ZNF850: variants seen among roughly 807,000 people sequenced by gnomAD.
The protein encoded by ZNF850 is zinc finger protein 850.
ZNF850 carries 2 observed loss-of-function variants against 11.9 expected under a neutral mutation model. The ratio of observed to expected loss-of-function variants is 0.17; its 90% CI spans 0.07 to 0.53. ZNF850 has a LOEUF of 0.53. ZNF850 is among the 20% of genes least tolerant of loss of function. The pLI, the probability that ZNF850 is intolerant of heterozygous loss-of-function variation, is 0.94. For synonymous variants in ZNF850, 381 were observed against 443.0 expected, an observed-to-expected ratio of 0.86 and a Z score of 1.76; for missense variants, 1,014 against 1,316.4, an observed-to-expected ratio of 0.77 and a Z score of 3.55.
intron 4 of ZNF850, among the ~76,000 whole-genome samples, chr19:36,755,517 G>A (rs534837074): frequency 9.2e-5 from 14 of 152,160 alleles, no homozygotes; most frequent in African/African-American, 3.4e-4. Context: ...CACCGCACCT[G>A]GCCTAAAAAT....
intron 1 of ZNF850, among the ~76,000 whole-genome samples, chr19:36,771,510 A>G (rs2040583564): frequency 6.9e-6 from 1 of 145,934 alleles, no homozygotes; most frequent in Admixed American, 6.8e-5. Context: ...GGCTGAAGTG[A>G]AAGTTTGGCC....
chr19:36,758,973 C>A (rs2145963039), intron 4 of ZNF850, among the ~76,000 whole-genome samples: 1 of 151,930 alleles, frequency 6.6e-6, no homozygotes, highest in South Asian at 2.1e-4. Flanking sequence ...ATCCCAGCTA[C>A]TCAGGAGGCT....
chr19:36,757,503 C>A (rs1406200747), intron 4 of ZNF850, among the ~76,000 whole-genome samples: 1 of 97,392 alleles, frequency 1.0e-5, no homozygotes, highest in Non-Finnish European at 2.1e-5. Flanking sequence ...AATATAGTTT[C>A]TTTTTTTTTT....
chr19:36,750,406 G>C lies in ZNF850; in HGVS notation c.634C>G (p.Leu212Val). Residue 212 changes from leucine (L) to valine (V), a missense_variant, in exon 5 of 5, where the codon CTT (leucine) becomes GTT (valine). By Grantham distance (32) the Leu-to-Val change is conservative (BLOSUM62 1). This residue lies in a region of ZNF850 where 835 missense variants were observed against 1,022.0 expected (regional missense o/e 0.82). Transcript: ENST00000591344. ...GTATGAATTCTCTGATGTTTAACAA[G>C]ATAGGAAAAGTGATGAAAGGCCTTC... ...CGKAFHHFSY[L>V]VKHQRIHTGE... 6.5e-7 allele frequency: 1 copy of C among 1,536,570 alleles called. No individual in the cohort carries two copies. Among genetic ancestry groups the C allele is most frequent in the Non-Finnish European group, 8.7e-7 (1 of 1,146,954 alleles).
At chr19:36,768,979 G>C (rs1290109803) in intron 1 of ZNF850, among the ~76,000 whole-genome samples, 2 of 145,024 alleles carry the variant, frequency 1.4e-5, no homozygotes, top group East Asian at 4.0e-4. Context: ...AAAAAAAAAA[G>C]GCCGGGTGTG....
chr19:36,744,202 C>G lies in ZNF850; in HGVS notation c.*3565G>C, dbSNP rs1462458212. 6.6e-6 allele frequency: 1 copy of G among 151,540 alleles called. No homozygotes were observed. Among genetic ancestry groups the G allele is most frequent in the African/African-American group, 2.4e-5 (1 of 41,228 alleles). 9.4% of individuals were successfully genotyped at this position (151,540 alleles called of 1,614,324 possible). ...TCAAAAAAAAAAAAAAGGATTTACC[C>G]CAAATAGATCATCTTTGGTCAATAA... On this transcript the variant is annotated 3_prime_UTR_variant, in exon 5 of 5. Coordinates refer to ENST00000591344, the MANE Select transcript of ZNF850 (RefSeq NM_001193552.2).
Position 36,764,025 on chromosome 19 carries a change from T to A in ZNF850, c.-69-1350A>T, listed in dbSNP as rs151098731. Among the ~76,000 whole-genome samples, 364 of 152,062 alleles carry A rather than the reference T, an allele frequency of 2.4e-3. 1 individual carries two copies. Among genetic ancestry groups the A allele is most frequent in the African/African-American group, 8.3e-3 (344 of 41,484 alleles). On this transcript the variant is annotated intron_variant, in intron 1 of 4. Transcript: ENST00000591344. ...ACTTTGGGAGGCTGAGTCGGGCGGA[T>A]CACGAGGTCAAGAGATAGAGACCAT...
Position 36,749,711 on chromosome 19 carries a change from G to A in ZNF850, c.1329C>T (p.His443=), listed in dbSNP as rs1240191988. The A allele has an allele frequency of 6.4e-7, 1 of 1,560,160 alleles. No homozygotes were observed. Among genetic ancestry groups the A allele is most frequent in the South Asian group, 1.2e-5 (1 of 85,196 alleles). Residue 443 remains histidine, a synonymous_variant, in exon 5 of 5, where the codon CAC becomes CAT. Transcript: ENST00000591344. ...TACAATCATAGGGTTTCTCACCAGTGTGAATTCGCTGATGTTGAATTAGTG... is the reference window on the plus strand; with the variant it reads ...TACAATCATAGGGTTTCTCACCAGTATGAATTCGCTGATGTTGAATTAGTG... ...GSTLIQHQRI[H]TGEKPYDCKE... is the part of the protein sequence containing the mutation.
At chr19:36,766,949 G>A (rs905250056) in intron 1 of ZNF850, among the ~76,000 whole-genome samples, 1 of 151,494 alleles carries the variant, frequency 6.6e-6, no homozygotes, top group African/African-American at 2.4e-5. Flanking sequence ...CTTAAAATAC[G>A]AAAAAGGCCA....
intron 1 of ZNF850, among the ~76,000 whole-genome samples, chr19:36,767,185 C>G (rs2040554064): frequency 6.8e-6 from 1 of 147,278 alleles, no homozygotes. Context: ...TACAGTGAGC[C>G]AAGACCGTGG....
At position 36,749,266 on chromosome 19, in the gene ZNF850, T is replaced by C. The variant is rs767438192; in HGVS notation, c.1774A>G (p.Lys592Glu). 2 of 1,577,378 alleles carry C rather than the reference T, an allele frequency of 1.3e-6. No individual in the cohort carries two copies. The highest frequency in any genetic ancestry group is 1.7e-6 in the Non-Finnish European group (2 of 1,165,248). ...IHTGEKPYHC[K>E]ECGKSFTVGS... ...ACAGTAAAAGATTTTCCACATTCCTTACAGTGATAGGGTTTCTCACCAGTG... is the reference window on the plus strand; with the variant it reads ...ACAGTAAAAGATTTTCCACATTCCTCACAGTGATAGGGTTTCTCACCAGTG... The change falls in exon 5 of 5, where the codon AAG (lysine) becomes GAG (glutamate). Residue 592 changes from lysine (K) to glutamate (E), a missense_variant. Physicochemically the swap from Lys to Glu is moderately conservative, Grantham distance 56. Transcript: ENST00000591344.
At chr19:36,765,546 G>T in intron 1 of ZNF850, among the ~76,000 whole-genome samples, 1 of 150,546 alleles carries the variant, frequency 6.6e-6, no homozygotes, top group Admixed American at 6.6e-5. Context: ...TGGCTGACCT[G>T]GAAATTCCAT....
In ZNF850 at chr19:36,750,470, G is replaced by A. The variant is rs1244353125; in HGVS notation, c.570C>T (p.Thr190=). ...ATTTATAGAGTTTTTCACCAGTATG[G>A]GTTTCTTGCTGTTGTGTAAGTTCTG... ...YGSELTQQQE[T]HTGEKLYKCK... Residue 190 remains threonine, a synonymous_variant, in exon 5 of 5, where the codon ACC becomes ACT. Coordinates refer to ENST00000591344, the MANE Select transcript of ZNF850 (RefSeq NM_001193552.2). The A allele has an allele frequency of 6.5e-7, 1 of 1,536,340 alleles. No individual in the cohort carries two copies. Among genetic ancestry groups the A allele is most frequent in the Admixed American group, 2.0e-5 (1 of 50,980 alleles).
At chr19:36,762,045 C>CAAAAA (rs374193379) in intron 3 of ZNF850, among the ~76,000 whole-genome samples, 2 of 114,240 alleles carry the variant, frequency 1.8e-5, no homozygotes, top group Non-Finnish European at 3.5e-5. Context: ...GACTTTGTCT[C>CAAAAA]AAAAAAAAAA....
chr19:36,749,083 C>G lies in ZNF850; in HGVS notation c.1957G>C (p.Ala653Pro), dbSNP rs1260963128. 1 of 1,601,290 alleles carries G rather than the reference C, an allele frequency of 6.2e-7. No individual in the cohort carries two copies. The highest frequency in any genetic ancestry group is 8.5e-7 in the Non-Finnish European group (1 of 1,175,678). The change falls in exon 5 of 5, where the codon GCC becomes CCC. Residue 653 changes from alanine (A) to proline (P), a missense_variant. Physicochemically the swap from Ala to Pro is conservative, Grantham distance 27. Transcript: ENST00000591344. ...GTGAGTCCTGAGACACTGACAAAGG[C>G]TTTCCCACATTCCTGACATTGATAA... ...KPYQCQECGK[A>P]FVSVSGLTQH...
At chr19:36,759,080 T>TA (rs34625900) in intron 4 of ZNF850, among the ~76,000 whole-genome samples, 36 of 145,930 alleles carry the variant, frequency 2.5e-4, no homozygotes, top group African/African-American at 4.5e-4. Flanking sequence ...AGACTCCGTC[T>TA]AAAAAAAAAA....
chr19:36,757,503 CTTTTTTTT>C (rs57226971), intron 4 of ZNF850, among the ~76,000 whole-genome samples: 7 of 97,398 alleles, frequency 7.2e-5, no homozygotes, highest in African/African-American at 2.4e-4. Flanking sequence ...AATATAGTTT[CTTTTTTTT>C]TTTTTTTTTT....
chr19:36,756,064 C>T (rs551949497), intron 4 of ZNF850, among the ~76,000 whole-genome samples: 2 of 152,112 alleles, frequency 1.3e-5, no homozygotes, highest in East Asian at 3.9e-4. Context: ...CGCCATGACA[C>T]CCAGCTAATG....
chr19:36,754,705 G>C (rs1428074465), intron 4 of ZNF850, among the ~76,000 whole-genome samples: 1 of 151,978 alleles, frequency 6.6e-6, no homozygotes, highest in Admixed American at 6.6e-5. Context: ...ACAGGCGCCT[G>C]CCACCACGCC....
Sources: gnomAD v4.1 joint callset for allele counts (sites outside exome capture counted in the v4.1 genomes callset) on GRCh38, gnomAD v4.1.1 for gene constraint, gnomAD v4.1.1 regional missense constraint, MANE v1.5 for transcripts, NCBI Gene and HGNC (gene_info 2026-07-23, HGNC 2026-07-21) for gene names.